Variants in BABAM2 observed in about 807,000 individuals in gnomAD.
BABAM2 encodes the protein BRISC and BRCA1-A complex member 2.
Under a neutral mutation model 54.7 loss-of-function variants are expected in BABAM2, and 31 were observed. That is an observed-to-expected ratio of 0.57 (90% CI 0.43 to 0.77). The LOEUF is 0.77. Ranked by LOEUF, BABAM2 falls within the 30% of genes least tolerant of loss-of-function variation. The pLI, the probability that BABAM2 is intolerant of heterozygous loss-of-function variation, is 0.00. For synonymous variants in BABAM2, 167 were observed against 162.9 expected (o/e 1.03, Z -0.19); for missense variants, 364 against 455.8 (o/e 0.80, Z 1.83).
intron 10 of BABAM2, among the ~76,000 whole-genome samples, chr2:28,267,732 C>T (rs548550705): frequency 1.3e-5 from 2 of 152,318 alleles, no homozygotes; most frequent in South Asian, 4.2e-4. Context: ...CCATAGGGGT[C>T]AGGCCCAGAA....
chr2:28,224,265 G>A, intron 7 of BABAM2, among the ~76,000 whole-genome samples: 1 of 152,192 alleles, frequency 6.6e-6, no homozygotes, highest in Admixed American at 6.5e-5. Context: ...ACATAGAGTG[G>A]TGACTTGCAA....
intron 6 of BABAM2, among the ~76,000 whole-genome samples, chr2:28,051,856 A>G (rs901239750): frequency 4.0e-5 from 6 of 151,888 alleles, no homozygotes; most frequent in African/African-American, 7.3e-5. Flanking sequence ...TGCCACATTG[A>G]GCAGGCTGGT....
chr2:27,898,361 T>C (rs1665507604), intron 2 of BABAM2, among the ~76,000 whole-genome samples: 2 of 152,196 alleles, frequency 1.3e-5, no homozygotes, highest in African/African-American at 2.4e-5. Flanking sequence ...TCTTCTTTTA[T>C]TGGAATGGGG....
intron 7 of BABAM2, among the ~76,000 whole-genome samples, chr2:28,181,598 GT>G (rs1675634187): frequency 6.6e-6 from 1 of 152,042 alleles, no homozygotes; most frequent in South Asian, 2.1e-4. Context: ...AATACTCAAA[GT>G]GATAGATACC....
intron 11 of BABAM2, among the ~76,000 whole-genome samples, chr2:28,314,760 T>A (rs1689369638): frequency 6.6e-6 from 1 of 150,576 alleles, no homozygotes; most frequent in South Asian, 2.1e-4. Context: ...GCACTAGGAG[T>A]CGAGGAAAGA....
chr2:28,175,661 C>G (rs1376835069), intron 7 of BABAM2, among the ~76,000 whole-genome samples: 1 of 152,224 alleles, frequency 6.6e-6, no homozygotes, highest in East Asian at 1.9e-4. Context: ...GTTGTCCCAC[C>G]ACTGCCGTGG....
At chr2:28,163,967 G>A (rs1311657067) in intron 7 of BABAM2, among the ~76,000 whole-genome samples, 2 of 152,186 alleles carry the variant, frequency 1.3e-5, no homozygotes, top group East Asian at 3.9e-4. Flanking sequence ...AGGTGGTACT[G>A]AAAACTGAAG....
intron 6 of BABAM2, among the ~76,000 whole-genome samples, chr2:28,100,002 C>T (rs1427582412): frequency 6.6e-6 from 1 of 152,036 alleles, no homozygotes; most frequent in East Asian, 1.9e-4. Context: ...TGTGTTGCTG[C>T]ATGTACTTAG....
intron 6 of BABAM2, among the ~76,000 whole-genome samples, chr2:28,064,872 G>A (rs1401794267): frequency 2.0e-5 from 3 of 152,016 alleles, no homozygotes; most frequent in African/African-American, 4.8e-5. Context: ...ATGTGGTGGC[G>A]GGTGCCTGTA....
intron 6 of BABAM2, among the ~76,000 whole-genome samples, chr2:28,070,999 G>T (rs564515238): frequency 1.6e-3 from 238 of 151,698 alleles, no homozygotes; most frequent in African/African-American, 5.6e-3. Context: ...CAACGCCCCC[G>T]CCCCCAGCCT....
intron 7 of BABAM2, among the ~76,000 whole-genome samples, chr2:28,185,944 T>A (rs773592350): frequency 6.6e-6 from 1 of 152,176 alleles, no homozygotes; most frequent in Non-Finnish European, 1.5e-5. Context: ...AAAGAGTTGA[T>A]CTTACCTGTA....
At chr2:27,889,437 T>A (rs760873779), upstream of BABAM2, among the ~76,000 whole-genome samples, 1 of 152,190 alleles carries the variant, frequency 6.6e-6, no homozygotes, top group African/African-American at 2.4e-5. Flanking sequence ...ACTGCAGTAA[T>A]TGGAGTGGTA....
chr2:28,137,623 C>A (rs1329326252), intron 7 of BABAM2, among the ~76,000 whole-genome samples: 1 of 152,138 alleles, frequency 6.6e-6, no homozygotes, highest in Non-Finnish European at 1.5e-5. Flanking sequence ...ATCAATCAGC[C>A]CCAAAATATC....
chr2:27,940,776 C>T (rs1668815760), intron 3 of BABAM2, among the ~76,000 whole-genome samples: 1 of 152,122 alleles, frequency 6.6e-6, no homozygotes, highest in Admixed American at 6.6e-5. Context: ...GCCTATGATG[C>T]CCAAGGGCAG....
intron 2 of BABAM2, among the ~76,000 whole-genome samples, chr2:27,911,258 TG>T (rs1416637946): frequency 6.6e-6 from 1 of 152,232 alleles, no homozygotes; most frequent in East Asian, 1.9e-4. Context: ...TTTTGAATAG[TG>T]CCATTGTGAA....
At chr2:28,108,033 T>C (rs574833716) in intron 6 of BABAM2, among the ~76,000 whole-genome samples, 1 of 152,266 alleles carries the variant, frequency 6.6e-6, no homozygotes, top group Non-Finnish European at 1.5e-5. Context: ...TTTATTTTAT[T>C]GGAGCATTAG....
intron 6 of BABAM2, among the ~76,000 whole-genome samples, chr2:28,055,000 C>T (rs1678283520): frequency 6.6e-6 from 1 of 152,082 alleles, no homozygotes; most frequent in Non-Finnish European, 1.5e-5. Flanking sequence ...ATAGCAAAAA[C>T]ATGGAATCAA....
intron 6 of BABAM2, among the ~76,000 whole-genome samples, chr2:28,126,129 AT>A (rs952815278): frequency 2.2e-4 from 33 of 150,986 alleles, no homozygotes; most frequent in African/African-American, 3.7e-4. Context: ...GTAATCTAAA[AT>A]TTTTTTTTAA....
rs147351871 is a variant in BABAM2, at chr2:28,123,084, T to G, written c.571-6187T>G. On this transcript the variant is annotated intron_variant, in intron 6 of 11. Transcript: ENST00000379624. ...TTAGAAAAGCTAGTTCAGTGGCTTATTTCATTCATTTACTCATTCTTTTAG... is the reference window on the plus strand; with the variant it reads ...TTAGAAAAGCTAGTTCAGTGGCTTAGTTCATTCATTTACTCATTCTTTTAG... Among the ~76,000 whole-genome samples, 410 of 152,356 alleles carry G rather than the reference T, an allele frequency of 2.7e-3. 2 individuals are homozygous for G. The highest frequency in any genetic ancestry group is 8.3e-3 in the African/African-American group (344 of 41,578).
Sources: gnomAD v4.1 joint callset for allele counts (sites outside exome capture counted in the v4.1 genomes callset) on GRCh38, gnomAD v4.1.1 for gene constraint, MANE v1.5 for transcripts, NCBI Gene and HGNC (gene_info 2026-07-23, HGNC 2026-07-21) for gene names.